MTMR12: variants seen among roughly 807,000 people sequenced by gnomAD.
MTMR12 encodes myotubularin-related protein 12.
MTMR12 carries 33 observed loss-of-function variants against 96.7 expected under a neutral mutation model. The observed-to-expected ratio is 0.34, with a 90% confidence interval of 0.26 to 0.46. MTMR12 has a LOEUF of 0.46. Ranked by LOEUF, MTMR12 falls within the 20% of genes least tolerant of loss-of-function variation. The pLI, the probability that MTMR12 is intolerant of heterozygous loss-of-function variation, is 1.00. For synonymous variants in MTMR12, 298 were observed against 327.2 expected, an observed-to-expected ratio of 0.91 and a Z score of 0.96; for missense variants, 721 against 896.1, an observed-to-expected ratio of 0.80 and a Z score of 2.49.
At position 32,312,410 on chromosome 5, in the gene MTMR12, C is replaced by A. The variant is rs1382614239; in HGVS notation, c.81+348G>T. On this transcript the variant is annotated intron_variant, in intron 1 of 15. Coordinates refer to ENST00000382142, the MANE Select transcript of MTMR12 (RefSeq NM_001040446.3). This position sits in a 1 kb window ranked among gnomAD's most constrained non-coding sequence, Gnocchi z 5.0. ...GGCTCCGAGCAGGCCCCGTTGGGGG[C>A]TCCGACCCACGGCCCTACCCCTCCC... 6.6e-6 allele frequency among the ~76,000 whole-genome samples: 1 copy of A among 152,336 alleles called. No individual in the cohort carries two copies. The highest frequency in any genetic ancestry group is 6.5e-5 in the Admixed American group (1 of 15,310).
intron 1 of MTMR12, among the ~76,000 whole-genome samples, chr5:32,294,339 A>G (rs56206837): frequency 0.42 from 64,166 of 151,344 alleles, 13,901 homozygotes; most frequent in East Asian, 0.58. Context: ...GTCTCCCTCT[A>G]TCCCCCATGC....
chr5:32,308,345 A>G (rs1751436488), intron 1 of MTMR12, among the ~76,000 whole-genome samples: 1 of 152,032 alleles, frequency 6.6e-6, no homozygotes, highest in African/African-American at 2.4e-5. Context: ...AAGAAGCAAC[A>G]GCATGACATA....
chr5:32,296,855 C>A (rs1479063933), intron 1 of MTMR12, among the ~76,000 whole-genome samples: 1 of 149,938 alleles, frequency 6.7e-6, no homozygotes, highest in African/African-American at 2.5e-5. Context: ...GTAATCCCAG[C>A]ACTTTGGGAG....
intron 8 of MTMR12, among the ~76,000 whole-genome samples, chr5:32,250,977 G>A (rs2112027642): frequency 6.6e-6 from 1 of 151,646 alleles, no homozygotes; most frequent in South Asian, 2.1e-4. Flanking sequence ...TCATAGGCAA[G>A]AATCACAGTT....
At chr5:32,262,152 T>C (rs1749384512) in intron 7 of MTMR12, among the ~76,000 whole-genome samples, 2 of 152,140 alleles carry the variant, frequency 1.3e-5, no homozygotes, top group Admixed American at 1.3e-4. Context: ...TTGGTAGGAA[T>C]ATAAAATGGA....
intron 8 of MTMR12, among the ~76,000 whole-genome samples, chr5:32,251,054 C>CTTTTTTTTTT (rs1299015165): frequency 6.1e-5 from 8 of 131,026 alleles, no homozygotes; most frequent in Non-Finnish European, 1.1e-4. Flanking sequence ...AGGTCCCTCT[C>CTTTTTTTTTT]TTTTTTTTTT....
chr5:32,300,461 C>G (rs543825582), intron 1 of MTMR12, among the ~76,000 whole-genome samples: 4 of 152,268 alleles, frequency 2.6e-5, no homozygotes, highest in Admixed American at 2.6e-4. Context: ...TTGTTTCCAT[C>G]CCCAGACTCC....
intron 1 of MTMR12, among the ~76,000 whole-genome samples, chr5:32,283,991 C>T (rs1750414154): frequency 6.6e-6 from 1 of 152,112 alleles, no homozygotes; most frequent in Admixed American, 6.5e-5. Context: ...CTGAGCAATT[C>T]TTGCTTCCTT....
intron 8 of MTMR12, among the ~76,000 whole-genome samples, chr5:32,254,790 G>A (rs553872428): frequency 6.6e-6 from 1 of 152,242 alleles, no homozygotes; most frequent in Admixed American, 6.5e-5. Context: ...GCTGCAGTGA[G>A]CAGAGATTGG....
chr5:32,312,639 T>C lies in MTMR12; in HGVS notation c.81+119A>G. On this transcript the variant is annotated intron_variant, in intron 1 of 15. Coordinates refer to ENST00000382142, the MANE Select transcript of MTMR12 (RefSeq NM_001040446.3). This position sits in a 1 kb window ranked among gnomAD's most constrained non-coding sequence, Gnocchi z 5.0. The stretch of plus-strand genomic sequence containing the variant: ...GGCCTCAGCCCGCCTGGCTGCCCCG[T>C]CGCCCGGCACAAGGGCAGGAAGCGC... The C allele has an allele frequency of 1.0e-6, 1 of 953,154 alleles. No individual in the cohort carries two copies. Among genetic ancestry groups the C allele is most frequent in the Non-Finnish European group, 1.3e-6 (1 of 743,818 alleles). The allele number at this position is 953,154 out of a possible 1,614,324, so 59.0% of individuals were successfully genotyped here.
chr5:32,312,356 A>G lies in MTMR12; in HGVS notation c.81+402T>C, dbSNP rs1392161431. Among the ~76,000 whole-genome samples the G allele has an allele frequency of 2.0e-5, 3 of 152,160 alleles. No homozygotes were observed. Among genetic ancestry groups the G allele is most frequent in the Non-Finnish European group, 4.4e-5 (3 of 68,010 alleles). On this transcript the variant is annotated intron_variant, in intron 1 of 15. Coordinates refer to ENST00000382142, the MANE Select transcript of MTMR12 (RefSeq NM_001040446.3). The surrounding 1 kb of genome is among the most constrained non-coding windows in gnomAD (Gnocchi z 5.0). The stretch of plus-strand genomic sequence containing the variant: ...CCGGCGGGCTTCTGGGCTCACTGAG[A>G]AAGTCCAGAGGCAGGACGGACCCAC...
chr5:32,276,050 G>C (rs1025078739), intron 2 of MTMR12, among the ~76,000 whole-genome samples: 1 of 152,182 alleles, frequency 6.6e-6, no homozygotes, highest in Non-Finnish European at 1.5e-5. Flanking sequence ...TTAAATACAT[G>C]GATCACAGAA....
intron 14 of MTMR12, 129 bp downstream of exon 14, chr5:32,234,833 A>T (rs1748145727): frequency 1.2e-6 from 1 of 831,706 alleles, no homozygotes; most frequent in South Asian, 2.0e-5. Context: ...TCTTCTCTGT[A>T]TTATTCCAAC....
rs1171931137 is a variant in MTMR12, at chr5:32,295,882, G to A, written c.81+16876C>T. Among the ~76,000 whole-genome samples, 4 of 152,296 alleles carry A rather than the reference G, an allele frequency of 2.6e-5. No individual in the cohort carries two copies. The East Asian group carries it at 7.7e-4, about 29-fold the overall frequency. On this transcript the variant is annotated intron_variant, in intron 1 of 15. Coordinates refer to ENST00000382142, the MANE Select transcript of MTMR12 (RefSeq NM_001040446.3). ...TAAAAGCTTTATTAAGGCTGGGCAT[G>A]GTGGCTCATTCCTGTAATCCCAGCA...
intron 10 of MTMR12, 34 bp downstream of exon 10, chr5:32,247,968 T>C: frequency 3.7e-6 from 6 of 1,604,160 alleles, no homozygotes; most frequent in Non-Finnish European, 2.6e-6. Context: ...TTTCCCCATA[T>C]AACACAAAAG....
intron 7 of MTMR12, among the ~76,000 whole-genome samples, chr5:32,260,066 G>A (rs1188793010): frequency 6.8e-6 from 1 of 147,736 alleles, no homozygotes; most frequent in African/African-American, 2.5e-5. Flanking sequence ...AGCGGTACCT[G>A]GGGTAAGATC....
chr5:32,272,985 T>C (rs76239346), intron 3 of MTMR12, among the ~76,000 whole-genome samples: 2,351 of 152,286 alleles, frequency 0.015, 32 homozygotes, highest in Non-Finnish European at 0.024. Context: ...TGTGCCTTGG[T>C]TGGGTTTCCA....
At chr5:32,305,314 C>T (rs546974877) in intron 1 of MTMR12, among the ~76,000 whole-genome samples, 1 of 152,216 alleles carries the variant, frequency 6.6e-6, no homozygotes, top group Admixed American at 6.5e-5. Flanking sequence ...GTCTCAAACT[C>T]CTGACCTTGT....
Position 32,229,867 on chromosome 5 carries a change from C to T in MTMR12, c.2155G>A (p.Val719Ile), listed in dbSNP as rs371615950. The part of the protein sequence containing the change: ...ALLQRHSSKP[V>I]LPTSGWKALG... The stretch of plus-strand genomic sequence containing the variant: ...GCTTTCCAGCCACTGGTGGGTAAGA[C>T]GGGCTTAGAGGAATGTCGCTGGAGC... Residue 719 changes from valine to isoleucine, a missense_variant, in exon 16 of 16, where the codon GTC becomes ATC. Transcript: ENST00000382142. 4.7e-5 allele frequency: 76 copies of T among 1,608,574 alleles called. No homozygotes were observed. The highest frequency in any genetic ancestry group is 5.9e-5 in the Non-Finnish European group (69 of 1,177,268).
Sources: allele counts gnomAD v4.1 joint callset (sites outside exome capture counted in the v4.1 genomes callset), GRCh38; gene constraint gnomAD v4.1.1; non-coding constraint Gnocchi (gnomAD v3.1); transcripts MANE v1.5; gene names NCBI Gene and HGNC (gene_info 2026-07-23, HGNC 2026-07-21).